NEGR1: variants seen among roughly 807,000 people sequenced by gnomAD.
NEGR1 encodes neuronal growth regulator 1.
In NEGR1, 10 loss-of-function variants were observed where a neutral mutation model predicts 40.9. The ratio of observed to expected loss-of-function variants is 0.24; its 90% CI spans 0.15 to 0.42. The LOEUF (loss-of-function observed/expected upper bound fraction) is 0.42. Ranked by LOEUF, NEGR1 falls within the 10% of genes least tolerant of loss-of-function variation. The probability of loss-of-function intolerance (pLI) is 1.00; values close to 1 mark genes in which losing one functional copy is unlikely to be tolerated. For missense variants in NEGR1, 352 were observed against 438.9 expected, an observed-to-expected ratio of 0.80 and a Z score of 1.77; for synonymous variants, 185 against 166.8, an observed-to-expected ratio of 1.11 and a Z score of -0.84.
intron 6 of NEGR1, among the ~76,000 whole-genome samples, chr1:71,410,541 G>A (rs1365511402): frequency 6.6e-6 from 1 of 152,048 alleles, no homozygotes; most frequent in Non-Finnish European, 1.5e-5. Context: ...AACTTGGGAG[G>A]ATTCCCTATG....
intron 1 of NEGR1, among the ~76,000 whole-genome samples, chr1:71,936,185 C>T (rs1480773696): frequency 6.6e-6 from 1 of 152,170 alleles, no homozygotes; most frequent in African/African-American, 2.4e-5. Context: ...ACTGATAAAA[C>T]TATAAACTAT....
chr1:72,227,207 C>T (rs1654220323), intron 1 of NEGR1, among the ~76,000 whole-genome samples: 1 of 151,998 alleles, frequency 6.6e-6, no homozygotes, highest in African/African-American at 2.4e-5. Context: ...AAATCTACCT[C>T]ATGGGAAAGT....
At chr1:71,563,110 T>C (rs1648512250) in intron 6 of NEGR1, among the ~76,000 whole-genome samples, 1 of 151,994 alleles carries the variant, frequency 6.6e-6, no homozygotes, top group Non-Finnish European at 1.5e-5. Context: ...AATAATAGAA[T>C]CTCACGTGGC....
At chr1:71,808,903 A>G (rs547945051) in intron 2 of NEGR1, among the ~76,000 whole-genome samples, 29 of 152,258 alleles carry the variant, frequency 1.9e-4, no homozygotes, top group Admixed American at 5.2e-4. Context: ...ACACCTCTCT[A>G]TCTGTAACTT....
chr1:71,805,057 T>C (rs1187024929), intron 2 of NEGR1, among the ~76,000 whole-genome samples: 2 of 152,124 alleles, frequency 1.3e-5, no homozygotes, highest in Non-Finnish European at 2.9e-5. Flanking sequence ...GCTGTAGGGA[T>C]GAAATAAGCT....
intron 1 of NEGR1, among the ~76,000 whole-genome samples, chr1:72,019,081 G>A (rs1646735268): frequency 6.6e-6 from 1 of 152,094 alleles, no homozygotes; most frequent in African/African-American, 2.4e-5. Flanking sequence ...TTCATGGGCT[G>A]GACATGATGT....
intron 3 of NEGR1, among the ~76,000 whole-genome samples, chr1:71,753,800 A>C (rs1177601303): frequency 6.6e-6 from 1 of 152,164 alleles, no homozygotes; most frequent in Admixed American, 6.5e-5. Context: ...GTAACATTTC[A>C]GAATGGTGAT....
chr1:71,475,415 A>G (rs1329073440), intron 6 of NEGR1, among the ~76,000 whole-genome samples: 1 of 152,120 alleles, frequency 6.6e-6, no homozygotes, highest in Non-Finnish European at 1.5e-5. Context: ...AGAAGGAAAT[A>G]TAAAGAATTA....
intron 6 of NEGR1, among the ~76,000 whole-genome samples, chr1:71,422,298 A>G (rs539404263): frequency 3.3e-5 from 5 of 152,324 alleles, no homozygotes; most frequent in South Asian, 2.1e-4. Flanking sequence ...TGCACTATGC[A>G]TAATGTCTGA....
intron 2 of NEGR1, among the ~76,000 whole-genome samples, chr1:71,851,196 A>G (rs1291181602): frequency 2.6e-5 from 4 of 152,168 alleles, no homozygotes; most frequent in Non-Finnish European, 5.9e-5. Flanking sequence ...TTTTTATGCA[A>G]TGTGTTACCA....
intron 1 of NEGR1, among the ~76,000 whole-genome samples, chr1:72,196,798 A>ACTTACATG (rs1488571794): frequency 6.6e-6 from 1 of 151,650 alleles, no homozygotes; most frequent in Non-Finnish European, 1.5e-5. Flanking sequence ...AGAAAAAATG[A>ACTTACATG]CTTACATGTA....
intron 1 of NEGR1, among the ~76,000 whole-genome samples, chr1:71,943,272 CAT>C (rs990771958): frequency 3.3e-5 from 5 of 149,710 alleles, no homozygotes; most frequent in African/African-American, 9.8e-5. Context: ...GTATCATACA[CAT>C]ATATACACAT....
At chr1:72,096,676 T>TA in intron 1 of NEGR1, among the ~76,000 whole-genome samples, 1 of 151,158 alleles carries the variant, frequency 6.6e-6, no homozygotes. Flanking sequence ...TATTTTATTT[T>TA]TTTGAGATGG....
chr1:71,658,216 T>C (rs2101588178), intron 4 of NEGR1, among the ~76,000 whole-genome samples: 1 of 152,336 alleles, frequency 6.6e-6, no homozygotes, highest in African/African-American at 2.4e-5. Context: ...AAATCCAAAA[T>C]ACTCAGCATA....
chr1:71,969,782 C>T (rs1183888054), intron 1 of NEGR1, among the ~76,000 whole-genome samples: 1 of 152,184 alleles, frequency 6.6e-6, no homozygotes, highest in African/African-American at 2.4e-5. Flanking sequence ...AGAAGCATTG[C>T]ACTGAAAAGT....
At chr1:71,446,004 T>A (rs1222871006) in intron 6 of NEGR1, among the ~76,000 whole-genome samples, 1 of 152,234 alleles carries the variant, frequency 6.6e-6, no homozygotes, top group Non-Finnish European at 1.5e-5. Flanking sequence ...CACCCTTTTT[T>A]AAGAAATTGT....
rs140140129 is a variant in NEGR1, at chr1:71,850,017, C to T, written c.410-73720G>A. Among the ~76,000 whole-genome samples, 456 of 152,106 alleles carry T rather than the reference C, an allele frequency of 3.0e-3. 4 individuals are homozygous for T. The highest frequency in any genetic ancestry group is 0.011 in the African/African-American group (440 of 41,498). On this transcript the variant is annotated intron_variant, in intron 2 of 6. Coordinates refer to ENST00000357731, the MANE Select transcript of NEGR1 (RefSeq NM_173808.3). Reference sequence around the variant, plus strand: ...TCTGGAAACAAACTGGCAATGTCTCCCAAATATGCCTGTATGTATACTTTA... The same window carrying T: ...TCTGGAAACAAACTGGCAATGTCTCTCAAATATGCCTGTATGTATACTTTA...
At chr1:72,131,333 TATA>T (rs1650241462) in intron 1 of NEGR1, among the ~76,000 whole-genome samples, 1 of 152,164 alleles carries the variant, frequency 6.6e-6, no homozygotes, top group South Asian at 2.1e-4. Flanking sequence ...TAAAGGATCT[TATA>T]ATATTATAAT....
intron 1 of NEGR1, among the ~76,000 whole-genome samples, chr1:72,041,309 A>G (rs1646951959): frequency 6.6e-6 from 1 of 151,882 alleles, no homozygotes; most frequent in Non-Finnish European, 1.5e-5. Context: ...TTTCCTTTAC[A>G]GGGGTTTAAT....
Sources: allele counts gnomAD v4.1 joint callset (sites outside exome capture counted in the v4.1 genomes callset), GRCh38; gene constraint gnomAD v4.1.1; transcripts MANE v1.5; gene names NCBI Gene and HGNC (gene_info 2026-07-23, HGNC 2026-07-21).